RB1: variants seen among roughly 807,000 people sequenced by gnomAD.
RB1 encodes retinoblastoma-associated protein.
A neutral mutation model predicts 135.4 loss-of-function variants in RB1; 18 were observed. The ratio of observed to expected loss-of-function variants is 0.13; its 90% CI spans 0.09 to 0.20. The LOEUF (loss-of-function observed/expected upper bound fraction) is 0.20. RB1 is among the 10% of genes least tolerant of loss of function. RB1 has a pLI of 1.00. For synonymous variants in RB1, 365 were observed against 373.2 expected (o/e 0.98, Z 0.25); for missense variants, 868 against 1,110.0 (o/e 0.78, Z 3.10).
At chr13:48,327,909 T>C (rs1462731566) in intron 2 of RB1, among the ~76,000 whole-genome samples, 1 of 152,130 alleles carries the variant, frequency 6.6e-6, no homozygotes, top group African/African-American at 2.4e-5. Flanking sequence ...ATACAAAACA[T>C]AAATTACCTC....
At position 48,319,347 on chromosome 13, in the gene RB1, C is replaced by A; in HGVS notation, c.264+11941C>A. On this transcript the variant is annotated intron_variant, in intron 2 of 26. Transcript: ENST00000267163. The surrounding 1 kb of genome is among the most constrained non-coding windows in gnomAD (Gnocchi z 5.0). Reference sequence around the variant, plus strand: ...GGGCAGGTCCCCGTTGGCCTCCTTGCGTGTTTGCCGCAGCTAGTACACCTG... The same window carrying A: ...GGGCAGGTCCCCGTTGGCCTCCTTGAGTGTTTGCCGCAGCTAGTACACCTG... The A allele has an allele frequency of 5.9e-6, 3 of 507,894 alleles. No individual in the cohort carries two copies. Among genetic ancestry groups the A allele is most frequent in the East Asian group, 9.0e-5 (2 of 22,122 alleles). 31.5% of individuals were successfully genotyped at this position (507,894 alleles called of 1,614,324 possible).
intron 21 of RB1, 117 bp from the exon 22 acceptor site, chr13:48,464,881 T>A: frequency 1.7e-6 from 2 of 1,179,766 alleles, no homozygotes; most frequent in Non-Finnish European, 2.3e-6. Context: ...TTCTTACCAG[T>A]CAAAAAGTAT....
At chr13:48,326,575 G>A (rs1480286892) in intron 2 of RB1, among the ~76,000 whole-genome samples, 1 of 152,002 alleles carries the variant, frequency 6.6e-6, no homozygotes, top group African/African-American at 2.4e-5. Context: ...CAAGTATCTT[G>A]ATATAATTAA....
intron 13 of RB1, 124 bp downstream of exon 13, chr13:48,377,158 T>C: frequency 9.9e-7 from 1 of 1,011,796 alleles, no homozygotes. Context: ...TCAGATACTA[T>C]ATCCCTGCTG....
intron 2 of RB1, among the ~76,000 whole-genome samples, chr13:48,339,680 C>T (rs1167513457): frequency 6.6e-6 from 1 of 152,210 alleles, no homozygotes; most frequent in African/African-American, 2.4e-5. Context: ...ACTCACTTTC[C>T]TGCACCCACT....
chr13:48,406,915 AG>A (rs1241579277), intron 17 of RB1, among the ~76,000 whole-genome samples: 7 of 152,208 alleles, frequency 4.6e-5, no homozygotes, highest in East Asian at 3.9e-4. Context: ...ACAAACAAAC[AG>A]GGTTCTTACC....
chr13:48,345,167 T>A lies in RB1; in HGVS notation c.468T>A (p.Asp156Glu). 1 of 1,612,798 alleles carries A rather than the reference T, an allele frequency of 6.2e-7. No homozygotes were observed. ...TGTCAAGACTGTTGAAGAAGTATGA[T>A]GTATTGTTTGCACTCTTCAGCAAAT... ...NAMSRLLKKY[D>E]VLFALFSKLE... The change falls in exon 4 of 27, where the codon GAT becomes GAA. Residue 156 changes from aspartate (D) to glutamate (E), a missense_variant. Asp to Glu is a conservative substitution (Grantham distance 45, BLOSUM62 2). This residue lies in a region of RB1 where 641 missense variants were observed against 791.3 expected (regional missense o/e 0.81). Coordinates refer to ENST00000267163, the MANE Select transcript of RB1 (RefSeq NM_000321.3).
intron 2 of RB1, among the ~76,000 whole-genome samples, chr13:48,310,522 G>A (rs987606271): frequency 2.0e-5 from 3 of 152,256 alleles, no homozygotes; most frequent in African/African-American, 7.2e-5. Context: ...TTGGAGTTAT[G>A]TGCAGATTAA....
At chr13:48,387,503 G>T (rs1015795723) in intron 17 of RB1, among the ~76,000 whole-genome samples, 4 of 152,146 alleles carry the variant, frequency 2.6e-5, no homozygotes, top group Non-Finnish European at 5.9e-5. Context: ...ATTCAGTAGA[G>T]ATAGGAAGTA....
chr13:48,472,400 G>C (rs758162900), intron 23 of RB1, among the ~76,000 whole-genome samples: 16 of 152,054 alleles, frequency 1.1e-4, no homozygotes, highest in Non-Finnish European at 2.2e-4. Flanking sequence ...CTTGTAGTTG[G>C]ATATCTGTGT....
intron 9 of RB1, 68 bp from the exon 10 acceptor site, chr13:48,367,426 G>T: frequency 6.5e-7 from 1 of 1,534,300 alleles, no homozygotes; most frequent in Non-Finnish European, 8.9e-7. Context: ...AATGAAATCT[G>T]TGCCTCTGTG....
chr13:48,442,647 T>A (rs938402049), intron 17 of RB1, among the ~76,000 whole-genome samples: 2 of 152,178 alleles, frequency 1.3e-5, no homozygotes, highest in African/African-American at 4.8e-5. Flanking sequence ...TGACTTCTGT[T>A]AACACCTCAT....
intron 17 of RB1, among the ~76,000 whole-genome samples, 166 bp downstream of exon 17, chr13:48,381,609 G>A (rs1214142118): frequency 6.6e-6 from 1 of 152,160 alleles, no homozygotes; most frequent in Non-Finnish European, 1.5e-5. Flanking sequence ...TTAGAATGGA[G>A]CTTTAATCGA....
At chr13:48,385,266 TA>T (rs1948563599) in intron 17 of RB1, among the ~76,000 whole-genome samples, 1 of 152,036 alleles carries the variant, frequency 6.6e-6, no homozygotes, top group South Asian at 2.1e-4. Flanking sequence ...ATTCCTCAGG[TA>T]AAAAACCTCC....
intron 17 of RB1, among the ~76,000 whole-genome samples, chr13:48,444,004 C>T (rs538820189): frequency 9.9e-5 from 15 of 152,158 alleles, no homozygotes; most frequent in African/African-American, 3.6e-4. Flanking sequence ...TTTTTTTCCC[C>T]ACACACTAAG....
intron 2 of RB1, chr13:48,328,290 A>G (rs1410943016): frequency 3.8e-6 from 6 of 1,589,230 alleles, no homozygotes; most frequent in South Asian, 1.1e-5. Context: ...AGCTGCTGCT[A>G]CTGAAAGAGT....
intron 17 of RB1, among the ~76,000 whole-genome samples, chr13:48,424,937 C>T (rs1303225399): frequency 6.6e-6 from 1 of 151,954 alleles, no homozygotes; most frequent in Admixed American, 6.6e-5. Flanking sequence ...ACCTGTAATC[C>T]CAGCTACTCA....
chr13:48,388,387 A>G (rs1393220373), intron 17 of RB1, among the ~76,000 whole-genome samples: 1 of 152,192 alleles, frequency 6.6e-6, no homozygotes, highest in African/African-American at 2.4e-5. Context: ...GTCAAGTAGC[A>G]GTTGGATATG....
At chr13:48,412,490 G>T in intron 17 of RB1, 2 of 1,004,154 alleles carry the variant, frequency 2.0e-6, no homozygotes, top group Non-Finnish European at 3.2e-6. Flanking sequence ...TTGGGATTCA[G>T]ATTATAACCT....
Sources: gnomAD v4.1 joint callset for allele counts (sites outside exome capture counted in the v4.1 genomes callset) on GRCh38, gnomAD v4.1.1 for gene constraint, gnomAD v4.1.1 regional missense constraint, Gnocchi (gnomAD v3.1) non-coding constraint, MANE v1.5 for transcripts, NCBI Gene and HGNC (gene_info 2026-07-23, HGNC 2026-07-21) for gene names.